PPM1A: variants seen among roughly 807,000 people sequenced by gnomAD.
PPM1A encodes the protein protein phosphatase, Mg2+/Mn2+ dependent 1A.
A neutral mutation model predicts 35.0 loss-of-function variants in PPM1A; 7 were observed. That is an observed-to-expected ratio of 0.20 (90% CI 0.11 to 0.38). The LOEUF is 0.38. Ranked by LOEUF, PPM1A falls within the 10% of genes least tolerant of loss-of-function variation. PPM1A has a pLI of 1.00. For synonymous variants in PPM1A, 153 were observed against 167.3 expected, an observed-to-expected ratio of 0.91 and a Z score of 0.66; for missense variants, 239 against 467.8, an observed-to-expected ratio of 0.51 and a Z score of 4.51.
intron 1 of PPM1A, among the ~76,000 whole-genome samples, chr14:60,281,121 T>C (rs1175120571): frequency 1.3e-5 from 2 of 152,348 alleles, no homozygotes; most frequent in East Asian, 3.9e-4. Context: ...GAATACTTCT[T>C]AAACATTGCC....
At chr14:60,259,992 G>A (rs972280736) in intron 1 of PPM1A, among the ~76,000 whole-genome samples, 33 of 152,052 alleles carry the variant, frequency 2.2e-4, no homozygotes, top group Admixed American at 2.1e-3. Context: ...AACCTATGAA[G>A]AACATCAAAA....
Position 60,249,283 on chromosome 14 carries a change from A to C in PPM1A, c.-415A>C, listed in dbSNP as rs1159460891. ...GGAGCGCGCGCGGGAGCTAGAGAGC[A>C]GTGGTCTCGGCGCTCGTCCGGCCCG... On this transcript the variant is annotated 5_prime_UTR_variant, in exon 1 of 6. Coordinates refer to ENST00000395076, the MANE Select transcript of PPM1A (RefSeq NM_021003.5). The surrounding 1 kb of genome is among the most constrained non-coding windows in gnomAD (Gnocchi z 4.5). 14 of 954,998 alleles carry C rather than the reference A, an allele frequency of 1.5e-5. No individual in the cohort carries two copies. The highest frequency in any genetic ancestry group is 8.3e-5 in the African/African-American group (4 of 48,078). The allele number at this position is 954,998 out of a possible 1,614,324, so 59.2% of individuals were successfully genotyped here.
In PPM1A at chr14:60,249,601, C is replaced by G; in HGVS notation, c.-97C>G. On this transcript the variant is annotated 5_prime_UTR_variant, in exon 1 of 6. Coordinates refer to ENST00000395076, the MANE Select transcript of PPM1A (RefSeq NM_021003.5). This position sits in a 1 kb window ranked among gnomAD's most constrained non-coding sequence, Gnocchi z 4.5. Reference sequence around the variant, plus strand: ...CCTCCCCCGGCTGCCGCCGTCGCCGCCGCGGTGACCCCCTCCCCGGCTGCC... The same window carrying G: ...CCTCCCCCGGCTGCCGCCGTCGCCGGCGCGGTGACCCCCTCCCCGGCTGCC... 1 of 987,458 alleles carries G rather than the reference C, an allele frequency of 1.0e-6. No individual in the cohort carries two copies. The highest frequency in any genetic ancestry group is 1.2e-6 in the Non-Finnish European group (1 of 831,824). The allele number at this position is 987,458 out of a possible 1,614,324, so 61.2% of individuals were successfully genotyped here.
Position 60,292,331 on chromosome 14 carries a change from A to G in PPM1A, c.1120-122A>G. On this transcript the variant is annotated intron_variant, in intron 5 of 5. Coordinates refer to ENST00000395076, the MANE Select transcript of PPM1A (RefSeq NM_021003.5). The surrounding 1 kb of genome is among the most constrained non-coding windows in gnomAD (Gnocchi z 4.2). ...CATATATACTTATATACTTTAAAAA[A>G]CATTTATATTCTAAAAGTCATCTTT... 1.5e-6 allele frequency: 1 copy of G among 681,944 alleles called. No homozygotes were observed. Among genetic ancestry groups the G allele is most frequent in the Non-Finnish European group, 2.5e-6 (1 of 399,180 alleles). The allele number at this position is 681,944 out of a possible 1,614,324, so 42.2% of individuals were successfully genotyped here. A position where few individuals can be genotyped will look rare whatever the true frequency, so the allele number is the denominator to read the frequency against.
upstream of PPM1A, chr14:60,246,012 G>A (rs201065840): frequency 1.1e-4 from 167 of 1,583,358 alleles, no homozygotes; most frequent in Non-Finnish European, 1.4e-4. Flanking sequence ...GAAACCAAAT[G>A]AAGAGGATGT....
At chr14:60,263,286 A>G (rs565577551) in intron 1 of PPM1A, among the ~76,000 whole-genome samples, 8 of 152,206 alleles carry the variant, frequency 5.3e-5, no homozygotes, top group South Asian at 2.1e-4. Context: ...GCCTACTTCT[A>G]TGGACGATTT....
intron 1 of PPM1A, among the ~76,000 whole-genome samples, chr14:60,256,611 A>G (rs1034843598): frequency 1.3e-5 from 2 of 152,246 alleles, no homozygotes; most frequent in Non-Finnish European, 2.9e-5. Flanking sequence ...AGCAACTAAC[A>G]ATGATAACTA....
At chr14:60,290,322 A>G (rs1189600413) in intron 4 of PPM1A, among the ~76,000 whole-genome samples, 4 of 152,098 alleles carry the variant, frequency 2.6e-5, no homozygotes, top group Admixed American at 1.3e-4. Flanking sequence ...CCTTCCTCAT[A>G]TGGACCATGT....
In PPM1A at chr14:60,295,480, C is replaced by G. The variant is rs558326504; in HGVS notation, c.*2998C>G. ...TAGCCACTTAATTTTTTATACTAAT[C>G]TCAACATTAAGAAATTTGGATTAAG... On this transcript the variant is annotated 3_prime_UTR_variant, in exon 6 of 6. Transcript: ENST00000395076. The G allele has an allele frequency of 6.6e-6, 1 of 151,682 alleles. No individual in the cohort carries two copies. The highest frequency in any genetic ancestry group is 1.5e-5 in the Non-Finnish European group (1 of 67,704). The allele number at this position is 151,682 out of a possible 1,614,324, so 9.4% of individuals were successfully genotyped here.
chr14:60,276,118 C>T (rs966102825), intron 1 of PPM1A, among the ~76,000 whole-genome samples: 4 of 152,132 alleles, frequency 2.6e-5, no homozygotes, highest in African/African-American at 9.7e-5. Context: ...CAGAAGTCAG[C>T]TGACCATTTG....
chr14:60,272,999 A>G (rs954614117), intron 1 of PPM1A, among the ~76,000 whole-genome samples: 1 of 152,096 alleles, frequency 6.6e-6, no homozygotes, highest in African/African-American at 2.4e-5. Context: ...GTTTTTAGCA[A>G]TTAATTCAGT....
At chr14:60,281,277 C>T (rs946671852) in intron 1 of PPM1A, among the ~76,000 whole-genome samples, 5 of 152,162 alleles carry the variant, frequency 3.3e-5, no homozygotes, top group African/African-American at 1.2e-4. Flanking sequence ...ACTTACCTTT[C>T]GTTAGTTGAA....
chr14:60,252,103 T>C (rs1367906829), intron 1 of PPM1A, among the ~76,000 whole-genome samples: 1 of 152,230 alleles, frequency 6.6e-6, no homozygotes, highest in Non-Finnish European at 1.5e-5. Flanking sequence ...TATAGTCTTT[T>C]AGTTTGTTCA....
At position 60,283,390 on chromosome 14, in the gene PPM1A, A is replaced by C; in HGVS notation, c.687A>C (p.Glu229Asp). The C allele has an allele frequency of 1.9e-6, 3 of 1,614,236 alleles. No homozygotes were observed. The highest frequency in any genetic ancestry group is 2.5e-6 in the Non-Finnish European group (3 of 1,180,040). The change falls in exon 2 of 6, where the codon GAA becomes GAC. Residue 229 changes from glutamate (E) to aspartate (D), a missense_variant. This residue lies in a region of PPM1A where 175 missense variants were observed against 389.2 expected (regional missense o/e 0.45). Coordinates refer to ENST00000395076, the MANE Select transcript of PPM1A (RefSeq NM_021003.5). This position sits in a 1 kb window ranked among gnomAD's most constrained non-coding sequence, Gnocchi z 6.3. ...TCCATGATATTGAAAGATCTGAAGA[A>C]GATGATCAGTTCATTATCCTTGCAT... ...PEVHDIERSE[E>D]DDQFIILACD... is the part of the protein sequence containing the mutation.
At chr14:60,247,459 C>G (rs1321975342), upstream of PPM1A, among the ~76,000 whole-genome samples, 1 of 151,656 alleles carries the variant, frequency 6.6e-6, no homozygotes, top group Non-Finnish European at 1.5e-5. Context: ...GAAACCCTGT[C>G]TGAACTAAAA....
rs570467970 is a variant in PPM1A, at chr14:60,283,594, C to G, written c.834+57C>G. On this transcript the variant is annotated intron_variant, in intron 2 of 5. Transcript: ENST00000395076. This position sits in a 1 kb window ranked among gnomAD's most constrained non-coding sequence, Gnocchi z 6.3. ...ATTTTATGCCATATTAATCACTACT[C>G]TAGTATTTAATCATCTTAGAATCTG... The G allele has an allele frequency of 1.3e-5, 19 of 1,487,578 alleles. No homozygotes were observed. The South Asian group carries it at 1.7e-4, about 14-fold the overall frequency. The allele number at this position is 1,487,578 out of a possible 1,614,324, so 92.1% of individuals were successfully genotyped here.
chr14:60,247,819 T>C (rs1451805763), upstream of PPM1A, among the ~76,000 whole-genome samples: 4 of 151,968 alleles, frequency 2.6e-5, no homozygotes, highest in African/African-American at 4.8e-5. Context: ...AGATAGAAAG[T>C]AGTAGGGTGC....
chr14:60,264,423 TTG>T lies in PPM1A; in HGVS notation c.-21+14748_-21+14749del, dbSNP rs540398067. 7.5e-3 allele frequency among the ~76,000 whole-genome samples: 1,144 copies of T among 152,298 alleles called. 16 individuals are homozygous for T. The highest frequency in any genetic ancestry group is 0.027 in the African/African-American group (1,112 of 41,566). On this transcript the variant is annotated intron_variant, in intron 1 of 5. Coordinates refer to ENST00000395076, the MANE Select transcript of PPM1A (RefSeq NM_021003.5). ...GGGCAAGTTCAAAATGGATATAAAA[TTG>T]TATCTGTGTCATAGGGTTGTAATGA...
At chr14:60,285,476 GCA>G in intron 2 of PPM1A, 146 bp from the exon 3 acceptor site, 1 of 724,354 alleles carries the variant, frequency 1.4e-6, no homozygotes, top group Non-Finnish European at 2.1e-6. Context: ...ACACACGCAC[GCA>G]TGCGTGCACA....
Sources: gnomAD v4.1 joint callset for allele counts (sites outside exome capture counted in the v4.1 genomes callset) on GRCh38, gnomAD v4.1.1 for gene constraint, gnomAD v4.1.1 regional missense constraint, Gnocchi (gnomAD v3.1) non-coding constraint, MANE v1.5 for transcripts, NCBI Gene and HGNC (gene_info 2026-07-23, HGNC 2026-07-21) for gene names.